REEP5: variants seen among roughly 807,000 people sequenced by gnomAD.
REEP5 encodes the protein receptor accessory protein 5.
A neutral mutation model predicts 22.4 loss-of-function variants in REEP5; 24 were observed. That is an observed-to-expected ratio of 1.07 (90% CI 0.78 to 1.51). The LOEUF is 1.51. Ranked by LOEUF, REEP5 falls within the 40% of genes most tolerant of loss-of-function variation. The pLI is 0.00. For synonymous variants in REEP5, 103 were observed against 88.6 expected (o/e 1.16, Z -0.92); for missense variants, 252 against 233.0 (o/e 1.08, Z -0.53).
chr5:112,916,429 A>G (rs1160720847), intron 2 of REEP5, among the ~76,000 whole-genome samples: 1 of 152,230 alleles, frequency 6.6e-6, no homozygotes, highest in Non-Finnish European at 1.5e-5. Context: ...TTGTGCTAGT[A>G]AAACAGAGCA....
intron 3 of REEP5, among the ~76,000 whole-genome samples, chr5:112,900,154 T>C (rs551792035): frequency 7.8e-4 from 119 of 152,254 alleles, no homozygotes; most frequent in Non-Finnish European, 1.3e-3. Flanking sequence ...TTTTTTCTCT[T>C]CCGTGAAATA....
intron 4 of REEP5, chr5:112,885,749 T>G (rs921791152): frequency 3.6e-6 from 1 of 278,022 alleles, no homozygotes; most frequent in Non-Finnish European, 7.5e-6. Context: ...AATGAACTAA[T>G]TAATTTTGAC....
At chr5:112,892,836 A>C (rs1443510745) in intron 3 of REEP5, 1 of 1,613,828 alleles carries the variant, frequency 6.2e-7, no homozygotes, top group East Asian at 2.2e-5. Flanking sequence ...GAAATGGGGA[A>C]TCCGAGAGAA....
intron 3 of REEP5, among the ~76,000 whole-genome samples, chr5:112,901,462 A>G (rs1483284829): frequency 6.6e-6 from 1 of 151,944 alleles, no homozygotes; most frequent in Non-Finnish European, 1.5e-5. Context: ...TAATCCCAGC[A>G]CTTTGGGAGG....
chr5:112,921,793 G>A (rs1016358865), intron 1 of REEP5: 40 of 304,182 alleles, frequency 1.3e-4, no homozygotes, highest in Admixed American at 1.2e-3. Flanking sequence ...ATAGGGCGCC[G>A]GGCCGCGGGG....
intron 3 of REEP5, chr5:112,892,962 GAGCCAGAGCCGCAGGAGCCACCGC>G: frequency 6.3e-7 from 1 of 1,595,132 alleles, no homozygotes; most frequent in South Asian, 1.1e-5. Flanking sequence ...AGGGCCGCCG[GAGCCAGAGCCGCAGGAGCCACCGC>G]AGCCGGAGCC....
At chr5:112,915,332 T>TAA (rs2150048129) in intron 2 of REEP5, among the ~76,000 whole-genome samples, 1 of 152,370 alleles carries the variant, frequency 6.6e-6, no homozygotes, top group East Asian at 1.9e-4. Context: ...TCATTCATCT[T>TAA]ATTTGCTTTT....
At chr5:112,892,968 G>C (rs1561651636) in intron 3 of REEP5, 2 of 1,591,930 alleles carry the variant, frequency 1.3e-6, no homozygotes, top group Non-Finnish European at 1.7e-6. Context: ...GCCGGAGCCA[G>C]AGCCGCAGGA....
At chr5:112,895,349 T>C (rs1344160515) in intron 3 of REEP5, 1 of 151,840 alleles carries the variant, frequency 6.6e-6, no homozygotes, top group Non-Finnish European at 1.5e-5. Flanking sequence ...AGTCACAAAT[T>C]AATGTACTTG....
At chr5:112,892,846 A>G (rs1768526996) in intron 3 of REEP5, 1 of 1,613,702 alleles carries the variant, frequency 6.2e-7, no homozygotes, top group Non-Finnish European at 8.5e-7. Context: ...ATCCGAGAGA[A>G]AAAAGAGTAG....
Position 112,914,176 on chromosome 5 carries a change from G to T in REEP5, c.212+6987C>A, listed in dbSNP as rs370495791. On this transcript the variant is annotated intron_variant, in intron 2 of 4. Coordinates refer to ENST00000379638, the MANE Select transcript of REEP5 (RefSeq NM_005669.5). Reference sequence around the variant, plus strand: ...ACACTCAAAAAAACCAGGCTGGAGTGCAGTGGCGCAATCTCGGCTCATTGC... The same window carrying T: ...ACACTCAAAAAAACCAGGCTGGAGTTCAGTGGCGCAATCTCGGCTCATTGC... Among the ~76,000 whole-genome samples, 7 of 151,670 alleles carry T rather than the reference G, an allele frequency of 4.6e-5. No homozygotes were observed. In the East Asian group the frequency reaches 1.2e-3, roughly 26 times the overall value.
intron 2 of REEP5, among the ~76,000 whole-genome samples, chr5:112,918,909 C>T (rs1769288214): frequency 6.6e-6 from 1 of 152,180 alleles, no homozygotes; most frequent in South Asian, 2.1e-4. Context: ...TGTTTATTTA[C>T]TTTAGAGGGC....
At position 112,892,505 on chromosome 5, in the gene REEP5, T is replaced by C. The variant is rs534008453; in HGVS notation, c.352-5322A>G. 8.1e-6 allele frequency: 13 copies of C among 1,614,226 alleles called. No homozygotes were observed. In the African/African-American group the frequency reaches 1.6e-4, roughly 20 times the overall value. On this transcript the variant is annotated intron_variant, in intron 3 of 4. Coordinates refer to ENST00000379638, the MANE Select transcript of REEP5 (RefSeq NM_005669.5). Reference sequence around the variant, plus strand: ...TCGGAAGAAGAATGCCAAGCAGCCCTTTCTCTGTTTAACGGACGATGGTAT... The same window carrying C: ...TCGGAAGAAGAATGCCAAGCAGCCCCTTCTCTGTTTAACGGACGATGGTAT...
intron 2 of REEP5, among the ~76,000 whole-genome samples, chr5:112,913,703 G>A (rs1318670288): frequency 6.7e-6 from 1 of 149,618 alleles, no homozygotes; most frequent in Non-Finnish European, 1.5e-5. Flanking sequence ...CAAAATGGAA[G>A]AGTCAGTCAC....
chr5:112,893,693 C>T (rs1768579253), intron 3 of REEP5: 2 of 152,282 alleles, frequency 1.3e-5, no homozygotes, highest in Admixed American at 6.5e-5. Flanking sequence ...AGTAATGCTA[C>T]GTGCATGAAT....
intron 3 of REEP5, among the ~76,000 whole-genome samples, chr5:112,898,612 A>G (rs1262373235): frequency 6.6e-6 from 1 of 152,206 alleles, no homozygotes; most frequent in African/African-American, 2.4e-5. Context: ...AACTACTGCA[A>G]GTAGTTCTGC....
At chr5:112,909,013 C>A (rs892842429) in intron 2 of REEP5, among the ~76,000 whole-genome samples, 4 of 151,932 alleles carry the variant, frequency 2.6e-5, no homozygotes, top group African/African-American at 7.3e-5. Context: ...GAAATTGACT[C>A]ATTTTAACTT....
rs913338620 is a variant in REEP5 at position 112,878,389 on chromosome 5, T to C, written c.*397A>G. The C allele has an allele frequency of 5.7e-6, 1 of 176,902 alleles. No homozygotes were observed. Among genetic ancestry groups the C allele is most frequent in the Admixed American group, 5.7e-5 (1 of 17,560 alleles). The allele number at this position is 176,902 out of a possible 1,614,324, so 11.0% of individuals were successfully genotyped here. A position where few individuals can be genotyped will look rare whatever the true frequency, so the allele number is the denominator to read the frequency against. ...AACATTTCAGAATTATATAAAATTG[T>C]ACATTACAGGAAGTAGAACCATAAA... On this transcript the variant is annotated 3_prime_UTR_variant, in exon 5 of 5. Coordinates refer to ENST00000379638, the MANE Select transcript of REEP5 (RefSeq NM_005669.5).
At chr5:112,901,451 G>C (rs1768840893) in intron 3 of REEP5, among the ~76,000 whole-genome samples, 1 of 152,146 alleles carries the variant, frequency 6.6e-6, no homozygotes, top group Non-Finnish European at 1.5e-5. Context: ...GCTCACGCCT[G>C]TAATCCCAGC....
Sources: allele counts gnomAD v4.1 joint callset (sites outside exome capture counted in the v4.1 genomes callset), GRCh38; gene constraint gnomAD v4.1.1; transcripts MANE v1.5; gene names NCBI Gene and HGNC (gene_info 2026-07-23, HGNC 2026-07-21).